Variants in IGFBP2 observed in about 807,000 individuals in gnomAD.
IGFBP2 encodes insulin like growth factor binding protein 2, also known as insulin-like growth factor-binding protein 2.
In IGFBP2, 12 loss-of-function variants were observed where a neutral mutation model predicts 26.2. That is an observed-to-expected ratio of 0.46 (90% CI 0.29 to 0.74). The LOEUF is 0.74. IGFBP2 is among the 30% of genes least tolerant of loss of function. The probability of loss-of-function intolerance (pLI) is 0.09; values close to 1 mark genes in which losing one functional copy is unlikely to be tolerated. For synonymous variants in IGFBP2, 189 were observed against 200.6 expected (o/e 0.94, Z 0.49); for missense variants, 328 against 441.2 (o/e 0.74, Z 2.30).
At position 216,664,093 on chromosome 2, in the gene IGFBP2, C is replaced by T. The variant is rs34596016; in HGVS notation, c.967C>T (p.Arg323Trp). 1.8e-4 allele frequency: 283 copies of T among 1,605,622 alleles called. 1 individual carries two copies. The African/African-American group carries it at 3.0e-3, about 17-fold the overall frequency. The change falls in exon 4 of 4, where the codon CGG (arginine) becomes TGG (tryptophan). Residue 323 changes from arginine (R) to tryptophan (W), a missense_variant. Coordinates refer to ENST00000233809, the MANE Select transcript of IGFBP2 (RefSeq NM_000597.3). This position sits in a 1 kb window ranked among gnomAD's most constrained non-coding sequence, Gnocchi z 4.6. ...GGAGGCTCGCGGGGTGCACACCCAG[C>T]GGATGCAGTAGACCGCAGCCAGCCG... ...QQEARGVHTQ[R>W]MQ
At chr2:216,634,111 G>C (rs1342795825) in intron 1 of IGFBP2, 146 bp downstream of exon 1, 3 of 1,314,848 alleles carry the variant, frequency 2.3e-6, no homozygotes, top group Non-Finnish European at 3.0e-6. Context: ...AGCGGGACGC[G>C]GAAGTCAGGC....
At chr2:216,654,267 G>A (rs939306307) in intron 1 of IGFBP2, among the ~76,000 whole-genome samples, 2 of 152,112 alleles carry the variant, frequency 1.3e-5, no homozygotes, top group Non-Finnish European at 2.9e-5. Flanking sequence ...GGTACTTCCT[G>A]GTAGGCAGGA....
Position 216,664,204 on chromosome 2 carries a change from C to T in IGFBP2, c.*100C>T. On this transcript the variant is annotated 3_prime_UTR_variant, in exon 4 of 4. Coordinates refer to ENST00000233809, the MANE Select transcript of IGFBP2 (RefSeq NM_000597.3). The surrounding 1 kb of genome is among the most constrained non-coding windows in gnomAD (Gnocchi z 4.6). ...GGGTGGTGGGTGCTGGAGGATTTTC[C>T]AGTTCTGACACACGTATTTATATTT... is the stretch of plus-strand genomic sequence containing the variant. 1 of 956,928 alleles carries T rather than the reference C, an allele frequency of 1.0e-6. No homozygotes were observed. The highest frequency in any genetic ancestry group is 1.5e-6 in the Non-Finnish European group (1 of 671,174). The allele number at this position is 956,928 out of a possible 1,614,324, so 59.3% of individuals were successfully genotyped here.
intron 1 of IGFBP2, among the ~76,000 whole-genome samples, chr2:216,653,960 T>C (rs1170060612): frequency 6.6e-6 from 1 of 152,176 alleles, no homozygotes; most frequent in Non-Finnish European, 1.5e-5. Context: ...TTTCCATTGA[T>C]GTCATTTGGG....
chr2:216,645,823 G>A (rs1194269649), intron 1 of IGFBP2, among the ~76,000 whole-genome samples: 1 of 152,134 alleles, frequency 6.6e-6, no homozygotes, highest in Non-Finnish European at 1.5e-5. Context: ...TTTTCCAGGG[G>A]GCAGTCATGA....
chr2:216,640,599 G>A (rs1015752791), intron 1 of IGFBP2, among the ~76,000 whole-genome samples: 13 of 152,122 alleles, frequency 8.5e-5, no homozygotes, highest in Non-Finnish European at 8.8e-5. Context: ...GAGGGAGGCC[G>A]TTCTACCTCC....
intron 1 of IGFBP2, among the ~76,000 whole-genome samples, chr2:216,648,045 A>T (rs1329520347): frequency 1.3e-5 from 2 of 152,164 alleles, no homozygotes; most frequent in Non-Finnish European, 2.9e-5. Flanking sequence ...TACCAGAGGG[A>T]GTCTGTGCAA....
chr2:216,655,818 C>T (rs911505765), intron 1 of IGFBP2, among the ~76,000 whole-genome samples: 21 of 151,890 alleles, frequency 1.4e-4, no homozygotes, highest in African/African-American at 4.3e-4. Flanking sequence ...TTGCTCAAAC[C>T]CAGGAGGCGG....
Position 216,633,847 on chromosome 2 carries a change from G to T in IGFBP2, c.324G>T (p.Gly108=), listed in dbSNP as rs765069794. The T allele has an allele frequency of 3.2e-6, 5 of 1,553,876 alleles. No individual in the cohort carries two copies. In the Admixed American group the frequency reaches 5.6e-5, roughly 17 times the overall value. The part of the protein sequence containing the change: ...CGVYTPRCGQ[G]LRCYPHPGSE... Reference sequence around the variant, plus strand: ...TCTACACCCCGCGCTGCGGCCAGGGGCTGCGCTGCTATCCCCACCCGGGCT... The same window carrying T: ...TCTACACCCCGCGCTGCGGCCAGGGTCTGCGCTGCTATCCCCACCCGGGCT... Residue 108 remains glycine, a synonymous_variant, in exon 1 of 4, where the codon GGG becomes GGT. Transcript: ENST00000233809.
intron 1 of IGFBP2, among the ~76,000 whole-genome samples, chr2:216,639,452 G>C (rs1453480842): frequency 6.6e-6 from 1 of 152,150 alleles, no homozygotes; most frequent in Non-Finnish European, 1.5e-5. Flanking sequence ...TGAAAGGAAT[G>C]AAGGAGGAGC....
intron 1 of IGFBP2, among the ~76,000 whole-genome samples, chr2:216,640,999 C>T (rs1001240907): frequency 1.3e-5 from 2 of 152,136 alleles, no homozygotes; most frequent in African/African-American, 2.4e-5. Context: ...GGCAGCCTGG[C>T]CTTTGCTGTC....
At chr2:216,661,422 C>T (rs931352361) in intron 2 of IGFBP2, 3 of 326,768 alleles carry the variant, frequency 9.2e-6, no homozygotes, top group Admixed American at 4.3e-5. Flanking sequence ...AGTCTTGTTG[C>T]CATATGCTTC....
rs1043862251 is a variant in IGFBP2, at chr2:216,638,692, C to T, written c.442+4727C>T. On this transcript the variant is annotated intron_variant, in intron 1 of 3. Coordinates refer to ENST00000233809, the MANE Select transcript of IGFBP2 (RefSeq NM_000597.3). ...TCACACCCATAGAAAATGGGAGGTA[C>T]GACTGTTCAATTTCTTTTTTTTTTT... Among the ~76,000 whole-genome samples the T allele has an allele frequency of 6.4e-4, 96 of 150,984 alleles. 1 individual carries two copies. Among genetic ancestry groups the T allele is most frequent in the Non-Finnish European group, 9.7e-4 (66 of 67,836 alleles).
chr2:216,646,878 A>G (rs150886540), intron 1 of IGFBP2, among the ~76,000 whole-genome samples: 264 of 152,322 alleles, frequency 1.7e-3, no homozygotes, highest in African/African-American at 6.1e-3. Context: ...GACACAGCCA[A>G]ACCATATCAG....
chr2:216,660,033 G>T (rs1002757486), intron 1 of IGFBP2, among the ~76,000 whole-genome samples: 1 of 152,018 alleles, frequency 6.6e-6, no homozygotes, highest in African/African-American at 2.4e-5. Flanking sequence ...TCTGTGGCAC[G>T]AGTTTTAAAA....
chr2:216,634,116 T>G (rs3770473), intron 1 of IGFBP2, 151 bp downstream of exon 1: 423,275 of 1,290,544 alleles, frequency 0.33, 71,055 homozygotes, highest in East Asian at 0.47. Flanking sequence ...GACGCGGAAG[T>G]CAGGCCCGGG....
At chr2:216,662,095 G>A in intron 3 of IGFBP2, 97 bp downstream of exon 3, 3 of 1,392,526 alleles carry the variant, frequency 2.2e-6, no homozygotes, top group Middle Eastern at 2.0e-4. Context: ...ATCCTCTGAG[G>A]TCTGAGCTGA....
intron 1 of IGFBP2, among the ~76,000 whole-genome samples, chr2:216,647,673 C>T (rs113872270): frequency 1.3e-5 from 2 of 152,102 alleles, no homozygotes. Flanking sequence ...GCGCCCACCA[C>T]CACGCCTGGC....
At chr2:216,662,415 G>C (rs1388655781) in intron 3 of IGFBP2, 6 of 191,346 alleles carry the variant, frequency 3.1e-5, no homozygotes, top group Non-Finnish European at 5.4e-5. Context: ...TAATCTGTGA[G>C]CCACACTCCC....
Sources: gnomAD v4.1 joint callset for allele counts (sites outside exome capture counted in the v4.1 genomes callset) on GRCh38, gnomAD v4.1.1 for gene constraint, Gnocchi (gnomAD v3.1) non-coding constraint, MANE v1.5 for transcripts, NCBI Gene and HGNC (gene_info 2026-07-23, HGNC 2026-07-21) for gene names.